The following ASIC2 variants were observed in gnomAD, a reference collection of about 807,000 sequenced individuals.
ASIC2 encodes acid-sensing ion channel 2.
ASIC2 carries 25 observed loss-of-function variants against 57.3 expected under a neutral mutation model. The ratio of observed to expected loss-of-function variants is 0.44; its 90% CI spans 0.32 to 0.61. The LOEUF is 0.61. ASIC2 is among the 20% of genes least tolerant of loss of function. The pLI, the probability that ASIC2 is intolerant of heterozygous loss-of-function variation, is 0.06. For missense variants in ASIC2, 641 were observed against 738.1 expected (o/e 0.87, Z 1.52); for synonymous variants, 319 against 307.5 (o/e 1.04, Z -0.39).
intron 3 of ASIC2, among the ~76,000 whole-genome samples, chr17:33,060,222 A>G (rs2141938371): frequency 6.6e-6 from 1 of 152,322 alleles, no homozygotes; most frequent in East Asian, 1.9e-4. Context: ...TGTTTTAGAC[A>G]TGACGTCCTT....
chr17:33,018,073 T>C (rs2091816280), intron 7 of ASIC2, among the ~76,000 whole-genome samples: 1 of 151,846 alleles, frequency 6.6e-6, no homozygotes, highest in Admixed American at 6.6e-5. Flanking sequence ...TGGGTGGGAG[T>C]CTCGGGAGGA....
chr17:33,068,498 T>A (rs2092053435), intron 3 of ASIC2, among the ~76,000 whole-genome samples: 1 of 151,756 alleles, frequency 6.6e-6, no homozygotes. Flanking sequence ...GACTGTGCTA[T>A]TGCCTGGGCA....
intron 3 of ASIC2, among the ~76,000 whole-genome samples, chr17:33,072,220 A>G (rs2092072053): frequency 1.3e-5 from 2 of 152,156 alleles, no homozygotes; most frequent in Non-Finnish European, 2.9e-5. Context: ...GGGCAATCAT[A>G]GTGCTCACCT....
At chr17:33,341,611 G>T (rs927506032) in intron 1 of ASIC2, among the ~76,000 whole-genome samples, 3 of 152,134 alleles carry the variant, frequency 2.0e-5, no homozygotes, top group Non-Finnish European at 4.4e-5. Context: ...CTCAGGTTTG[G>T]ATTATTATTC....
intron 3 of ASIC2, 30 bp downstream of exon 3, chr17:33,088,833 C>T (rs377264444): frequency 4.0e-5 from 63 of 1,590,782 alleles, no homozygotes; most frequent in Non-Finnish European, 3.2e-5. Flanking sequence ...AGGCTGAGGA[C>T]CATCAATCCT....
At position 34,108,855 on chromosome 17, in the gene ASIC2, C is replaced by G. The variant is rs374806487; in HGVS notation, c.555+47123G>C. 1.4e-3 allele frequency among the ~76,000 whole-genome samples: 210 copies of G among 151,956 alleles called. 1 individual carries two copies. The highest frequency in any genetic ancestry group is 5.0e-3 in the African/African-American group (206 of 41,466). ...TGTTATGTCTTCCTCACTTATTGAC[C>G]CTTATATGTTAAAATATGCTATTTT... On this transcript the variant is annotated intron_variant, in intron 1 of 9. Coordinates refer to the ASIC2 transcript ENST00000359872.
At chr17:33,599,288 C>T (rs1302095489) in intron 1 of ASIC2, among the ~76,000 whole-genome samples, 1 of 152,174 alleles carries the variant, frequency 6.6e-6, no homozygotes, top group Non-Finnish European at 1.5e-5. Flanking sequence ...ATACCTCTTG[C>T]CCTCAACACA....
rs1413338647 is a variant in ASIC2 at position 33,291,559 on chromosome 17, C to T, written c.557G>A (p.Arg186His). 1.2e-6 allele frequency: 2 copies of T among 1,611,704 alleles called. No homozygotes were observed. Among genetic ancestry groups the T allele is most frequent in the African/African-American group, 1.3e-5 (1 of 75,030 alleles). Reference protein sequence around the residue: ...RGDEPRRQWFRKLADFRLFLP... With the variant: ...RGDEPRRQWFHKLADFRLFLP... ...GAAGAGGCGGAAGTCCGCCAGCTTG[C>T]GGAACCACTGGCGGCGCGGCTCGTC... Residue 186 changes from arginine to histidine, a missense_variant, in exon 1 of 10, where the codon CGC becomes CAC. Arg to His is a conservative substitution (Grantham distance 29). Coordinates refer to ENST00000225823, the MANE Select transcript of ASIC2 (RefSeq NM_183377.2).
intron 1 of ASIC2, among the ~76,000 whole-genome samples, chr17:33,722,936 G>T (rs1909432474): frequency 6.6e-6 from 1 of 152,126 alleles, no homozygotes; most frequent in Admixed American, 6.5e-5. Flanking sequence ...ATATTCACAA[G>T]AACATGAAGC....
chr17:33,995,148 C>T (rs1906117384), intron 1 of ASIC2, among the ~76,000 whole-genome samples: 1 of 152,162 alleles, frequency 6.6e-6, no homozygotes, highest in African/African-American at 2.4e-5. Flanking sequence ...TAGACAGTAA[C>T]ACCAACAGCT....
chr17:33,714,462 C>A (rs1476166739), intron 1 of ASIC2, among the ~76,000 whole-genome samples: 1 of 152,116 alleles, frequency 6.6e-6, no homozygotes, highest in Non-Finnish European at 1.5e-5. Flanking sequence ...AAAAATAGAT[C>A]TTGAAAACCA....
At chr17:33,492,010 C>G in intron 1 of ASIC2, among the ~76,000 whole-genome samples, 1 of 152,200 alleles carries the variant, frequency 6.6e-6, no homozygotes, top group Non-Finnish European at 1.5e-5. Context: ...AAGATCCTGT[C>G]TCCCTCTAAT....
intron 1 of ASIC2, among the ~76,000 whole-genome samples, chr17:34,142,415 G>A (rs1317586686): frequency 6.6e-6 from 1 of 152,196 alleles, no homozygotes; most frequent in Non-Finnish European, 1.5e-5. Flanking sequence ...GTGCGTAGGT[G>A]GGGATGACAA....
At chr17:34,136,318 T>C (rs1216146190) in intron 1 of ASIC2, among the ~76,000 whole-genome samples, 1 of 152,208 alleles carries the variant, frequency 6.6e-6, no homozygotes, top group Non-Finnish European at 1.5e-5. Context: ...TTGCATTCTG[T>C]AGAGAATCCC....
intron 1 of ASIC2, among the ~76,000 whole-genome samples, chr17:33,467,136 T>C (rs1026952849): frequency 6.6e-6 from 1 of 152,198 alleles, no homozygotes; most frequent in African/African-American, 2.4e-5. Flanking sequence ...ATACAGGGTT[T>C]TGCCATGTTG....
intron 1 of ASIC2, among the ~76,000 whole-genome samples, chr17:34,085,674 C>CT (rs1386237076): frequency 6.6e-6 from 1 of 151,958 alleles, no homozygotes; most frequent in Non-Finnish European, 1.5e-5. Flanking sequence ...GTCCTGGACT[C>CT]TTTTTGGTTG....
At chr17:33,022,070 C>T (rs2091838079) in intron 6 of ASIC2, among the ~76,000 whole-genome samples, 1 of 152,120 alleles carries the variant, frequency 6.6e-6, no homozygotes, top group Non-Finnish European at 1.5e-5. Context: ...AGGATGGGGT[C>T]TGGGGACAGT....
intron 1 of ASIC2, among the ~76,000 whole-genome samples, chr17:33,799,491 T>TTTCC (rs1912065344): frequency 6.9e-6 from 1 of 144,124 alleles, no homozygotes; most frequent in African/African-American, 2.6e-5. Context: ...TCTTTCTTTC[T>TTTCC]TTCTTACTTT....
chr17:33,344,892 G>C (rs1011144808), intron 1 of ASIC2, among the ~76,000 whole-genome samples: 7 of 150,724 alleles, frequency 4.6e-5, no homozygotes, highest in Non-Finnish European at 8.8e-5. Flanking sequence ...TAAATGGCTA[G>C]TTGGGAGAGT....
Sources: gnomAD v4.1 joint callset for allele counts (sites outside exome capture counted in the v4.1 genomes callset) on GRCh38, gnomAD v4.1.1 for gene constraint, MANE v1.5 for transcripts, NCBI Gene and HGNC (gene_info 2026-07-23, HGNC 2026-07-21) for gene names.